EYA2: variants seen among roughly 807,000 people sequenced by gnomAD.
EYA2 encodes the protein protein phosphatase EYA2.
In EYA2, 31 loss-of-function variants were observed where a neutral mutation model predicts 69.2. The ratio of observed to expected loss-of-function variants is 0.45; its 90% confidence interval spans 0.34 to 0.60. The LOEUF (loss-of-function observed/expected upper bound fraction) is 0.60, where lower values mean the gene tolerates loss of function less well. Ranked by LOEUF, EYA2 falls within the 20% of genes least tolerant of loss-of-function variation. EYA2 has a pLI of 0.02. For synonymous variants in EYA2, 257 were observed against 279.4 expected, an observed-to-expected ratio of 0.92 and a Z score of 0.80; for missense variants, 622 against 701.2, an observed-to-expected ratio of 0.89 and a Z score of 1.28.
intron 9 of EYA2, among the ~76,000 whole-genome samples, chr20:47,115,782 T>TG (rs1354667650): frequency 5.9e-5 from 9 of 152,202 alleles, no homozygotes. Context: ...TGGAGAACCC[T>TG]GCAGTGATGC....
intron 5 of EYA2, among the ~76,000 whole-genome samples, chr20:47,031,251 C>G (rs928499245): frequency 2.0e-5 from 3 of 152,122 alleles, no homozygotes; most frequent in Non-Finnish European, 2.9e-5. Context: ...ACAAGTGTCG[C>G]CAGCAGATAG....
chr20:47,149,084 C>CA (rs796440829), intron 10 of EYA2, among the ~76,000 whole-genome samples: 3,040 of 133,108 alleles, frequency 0.023, 87 homozygotes, highest in African/African-American at 0.073. Context: ...CTCCAAAAAA[C>CA]AAAAAAAAAA....
At chr20:46,987,327 T>C (rs895338244) in intron 1 of EYA2, among the ~76,000 whole-genome samples, 15 of 152,220 alleles carry the variant, frequency 9.9e-5, no homozygotes, top group African/African-American at 3.6e-4. Flanking sequence ...CTTCTTTTGA[T>C]TATTTTGCAA....
Position 47,120,524 on chromosome 20 carries a change from A to T in EYA2, c.889-22535A>T, listed in dbSNP as rs888207958. 3.3e-5 allele frequency among the ~76,000 whole-genome samples: 5 copies of T among 152,226 alleles called. No homozygotes were observed. The East Asian group carries it at 9.6e-4, about 29-fold the overall frequency. ...TGTGCTGCCATAGCCCGTGTGCCCAATGCGGTGGGGAAGTCGCTTCTTGCC... is the reference window on the plus strand; with the variant it reads ...TGTGCTGCCATAGCCCGTGTGCCCATTGCGGTGGGGAAGTCGCTTCTTGCC... On this transcript the variant is annotated intron_variant, in intron 9 of 15. Transcript: ENST00000327619.
intron 5 of EYA2, among the ~76,000 whole-genome samples, chr20:47,024,246 A>G (rs563436083): frequency 6.6e-6 from 1 of 152,304 alleles, no homozygotes; most frequent in South Asian, 2.1e-4. Context: ...GGTTACTTAG[A>G]AACTGTTGAA....
intron 10 of EYA2, among the ~76,000 whole-genome samples, chr20:47,145,461 C>T (rs931728765): frequency 9.9e-5 from 15 of 152,092 alleles, no homozygotes; most frequent in Admixed American, 9.2e-4. Context: ...GAGCCTGGGG[C>T]AGGAGATATT....
chr20:47,001,460 C>T lies in EYA2; in HGVS notation c.142C>T (p.Gln48Ter), dbSNP rs1261963249. Residue 48 changes from glutamine (Q) to a stop codon, truncating the protein, a stop_gained, in exon 3 of 16, where the codon CAG (glutamine) becomes TAG (stop). Coordinates refer to ENST00000327619, the MANE Select transcript of EYA2 (RefSeq NM_005244.5). LOFTEE classifies it high-confidence loss of function. The stretch of plus-strand genomic sequence containing the variant: ...CAAATCGGCCCCCCTGAGAGTGTCC[C>T]AGCTCTTCTCCAGGTGAGTGCCATT... ...ITKSAPLRVS[Q>*]LFSRSCPRVL... is the part of the protein sequence containing the mutation. The T allele has an allele frequency of 6.2e-7, 1 of 1,614,180 alleles. No individual in the cohort carries two copies. The highest frequency in any genetic ancestry group is 1.7e-5 in the Admixed American group (1 of 60,028).
At chr20:46,934,346 C>T (rs1212295239) in intron 1 of EYA2, among the ~76,000 whole-genome samples, 3 of 134,504 alleles carry the variant, frequency 2.2e-5, no homozygotes, top group Non-Finnish European at 5.1e-5. Flanking sequence ...CACCTTCCTC[C>T]TGGCCAGCTT....
At chr20:47,019,837 T>C (rs1218892046) in intron 5 of EYA2, among the ~76,000 whole-genome samples, 2 of 151,554 alleles carry the variant, frequency 1.3e-5, no homozygotes, top group African/African-American at 2.4e-5. Context: ...GGCATGGTGA[T>C]GCATGCCTGT....
chr20:47,117,219 AGGCT>A (rs2032921801), intron 9 of EYA2, among the ~76,000 whole-genome samples: 1 of 152,150 alleles, frequency 6.6e-6, no homozygotes, highest in South Asian at 2.1e-4. Context: ...CACGATGGCC[AGGCT>A]GGTCTCGAAC....
chr20:46,974,104 G>A (rs987878364), intron 1 of EYA2, among the ~76,000 whole-genome samples: 4 of 152,076 alleles, frequency 2.6e-5, no homozygotes, highest in African/African-American at 9.7e-5. Flanking sequence ...CAGTAAAATG[G>A]GATTAAAGTT....
intron 4 of EYA2, among the ~76,000 whole-genome samples, 171 bp downstream of exon 4, chr20:47,005,255 A>G (rs912158769): frequency 5.3e-5 from 8 of 152,274 alleles, no homozygotes; most frequent in East Asian, 1.9e-4. Context: ...TCTATAGCCT[A>G]TAATATCAAG....
intron 5 of EYA2, among the ~76,000 whole-genome samples, chr20:47,052,666 A>G (rs1261963113): frequency 6.6e-6 from 1 of 152,124 alleles, no homozygotes; most frequent in Non-Finnish European, 1.5e-5. Context: ...TCTGTTGCCC[A>G]AACTGGAGTG....
At chr20:47,180,787 T>A in intron 13 of EYA2, 28 bp from the exon 14 acceptor site, 1 of 1,611,040 alleles carries the variant, frequency 6.2e-7, no homozygotes, top group Non-Finnish European at 8.5e-7. Flanking sequence ...CCCTCTGAGT[T>A]CTGATCCACA....
At chr20:47,056,972 G>A (rs372942330) in intron 5 of EYA2, among the ~76,000 whole-genome samples, 116 of 151,958 alleles carry the variant, frequency 7.6e-4, no homozygotes, top group African/African-American at 2.8e-3. Context: ...CTGAGCCCGG[G>A]GAGGTTGAGG....
chr20:47,018,805 C>T (rs1401636287), intron 5 of EYA2, among the ~76,000 whole-genome samples: 1 of 152,222 alleles, frequency 6.6e-6, no homozygotes, highest in Non-Finnish European at 1.5e-5. Context: ...TCAGAGAGGG[C>T]AAGTGACTTG....
chr20:46,924,349 T>C (rs1006167111), intron 1 of EYA2, among the ~76,000 whole-genome samples: 1 of 152,128 alleles, frequency 6.6e-6, no homozygotes, highest in African/African-American at 2.4e-5. Flanking sequence ...CTGTGGTCCC[T>C]GCTTTCTTAA....
chr20:47,172,718 T>TCTCCG lies in EYA2; in HGVS notation c.1052_1056dup (p.Asp353ProfsTer27). 6.2e-7 allele frequency: 1 copy of TCTCCG among 1,612,412 alleles called. No individual in the cohort carries two copies. Among genetic ancestry groups the TCTCCG allele is most frequent in the Non-Finnish European group, 8.5e-7 (1 of 1,179,308 alleles). ...TCCTCTCTCCGCAGCACATACAACT[T>TCTCCG]CTCCGCTGACGGCTTCCACAGTTCG... is the stretch of plus-strand genomic sequence containing the variant. On this transcript the variant is annotated frameshift_variant, in exon 12 of 16. Transcript: ENST00000327619. LOFTEE classifies it high-confidence loss of function.
At chr20:47,019,852 C>G (rs911873233) in intron 5 of EYA2, among the ~76,000 whole-genome samples, 2 of 151,682 alleles carry the variant, frequency 1.3e-5, no homozygotes, top group African/African-American at 2.4e-5. Flanking sequence ...GCCTGTAGTC[C>G]CAGCTACTCA....
Sources: allele counts gnomAD v4.1 joint callset (sites outside exome capture counted in the v4.1 genomes callset), GRCh38; gene constraint gnomAD v4.1.1; transcripts MANE v1.5; gene names NCBI Gene and HGNC (gene_info 2026-07-23, HGNC 2026-07-21).